THEM4: variants seen among roughly 807,000 people sequenced by gnomAD.
THEM4 encodes thioesterase superfamily member 4.
In THEM4, 22 loss-of-function variants were observed where a neutral mutation model predicts 25.0. That is an observed-to-expected ratio of 0.88 (90% CI 0.63 to 1.26). The LOEUF (loss-of-function observed/expected upper bound fraction) is 1.26, where lower values mean the gene tolerates loss of function less well. THEM4 is among the 50% of genes most tolerant of loss of function. The pLI is 0.00. For missense variants in THEM4, 286 were observed against 300.3 expected (o/e 0.95, Z 0.35); for synonymous variants, 113 against 105.6 (o/e 1.07, Z -0.43).
At chr1:151,887,066 T>TA (rs1055512460) in intron 4 of THEM4, among the ~76,000 whole-genome samples, 1 of 152,158 alleles carries the variant, frequency 6.6e-6, no homozygotes, top group Non-Finnish European at 1.5e-5. Context: ...CTGCAAGATG[T>TA]AAAATCAACA....
At chr1:151,909,333 C>T (rs1223491401) in intron 1 of THEM4, 27 bp downstream of exon 1, 11 of 1,507,912 alleles carry the variant, frequency 7.3e-6, no homozygotes, top group Admixed American at 2.1e-5. Context: ...CTGCTCCCGC[C>T]CCATGCCCGA....
In THEM4 at chr1:151,874,069, G is replaced by A. The variant is rs1042208836; in HGVS notation, c.*819C>T. On this transcript the variant is annotated 3_prime_UTR_variant, in exon 6 of 6. Transcript: ENST00000368814. ...TACAGCCTGGGTTAAAAATGGCACAGTGGTTTAATCTCTAGAATCTCAGAC... is the reference window on the plus strand; with the variant it reads ...TACAGCCTGGGTTAAAAATGGCACAATGGTTTAATCTCTAGAATCTCAGAC... 6.6e-6 allele frequency: 1 copy of A among 152,236 alleles called. No individual in the cohort carries two copies. Among genetic ancestry groups the A allele is most frequent in the Non-Finnish European group, 1.5e-5 (1 of 68,054 alleles). The allele number at this position is 152,236 out of a possible 1,614,324, so 9.4% of individuals were successfully genotyped here.
At chr1:151,884,586 A>G (rs1398542871) in intron 4 of THEM4, among the ~76,000 whole-genome samples, 1 of 152,004 alleles carries the variant, frequency 6.6e-6, no homozygotes, top group Non-Finnish European at 1.5e-5. Context: ...CTTCAGTTCT[A>G]TATTTCTGTT....
chr1:151,909,260 A>G, intron 1 of THEM4, 100 bp downstream of exon 1: 1 of 993,928 alleles, frequency 1.0e-6, no homozygotes, highest in Non-Finnish European at 1.4e-6. Flanking sequence ...TTATTCTGAG[A>G]TTGGCTGGTT....
Position 151,873,876 on chromosome 1 carries a change from CCT to C in THEM4, c.*1010_*1011del. On this transcript the variant is annotated 3_prime_UTR_variant, in exon 6 of 6. Transcript: ENST00000368814. ...TTCCCTAGCACTTTCAGGAGAATGGCCTTGGTCAACACCTTGATTTTGAACTT... is the reference window on the plus strand; with the variant it reads ...TTCCCTAGCACTTTCAGGAGAATGGCTGGTCAACACCTTGATTTTGAACTT... 6.6e-6 allele frequency: 1 copy of C among 152,298 alleles called. No individual in the cohort carries two copies. The highest frequency in any genetic ancestry group is 2.1e-4 in the South Asian group (1 of 4,814). 9.4% of individuals were successfully genotyped at this position (152,298 alleles called of 1,614,324 possible).
intron 4 of THEM4, among the ~76,000 whole-genome samples, chr1:151,881,299 C>T (rs919691915): frequency 2.0e-5 from 3 of 152,202 alleles, no homozygotes; most frequent in Non-Finnish European, 4.4e-5. Flanking sequence ...TCCCAAGTAG[C>T]TAGGACCACA....
At chr1:151,893,393 A>C (rs28430846) in intron 2 of THEM4, among the ~76,000 whole-genome samples, 2 of 137,000 alleles carry the variant, frequency 1.5e-5, no homozygotes, top group South Asian at 4.8e-4. Context: ...CAAAAAAAAC[A>C]AAAAAACAAC....
intron 1 of THEM4, among the ~76,000 whole-genome samples, chr1:151,906,454 CTGA>C (rs1654469144): frequency 6.6e-6 from 1 of 152,246 alleles, no homozygotes; most frequent in Non-Finnish European, 1.5e-5. Context: ...CCGAGCCTCC[CTGA>C]TGAGTGCTGC....
chr1:151,896,064 C>T (rs1224205318), intron 1 of THEM4, among the ~76,000 whole-genome samples: 7 of 147,784 alleles, frequency 4.7e-5, no homozygotes, highest in Non-Finnish European at 7.4e-5. Context: ...GCAATCTTGG[C>T]TCACTGCAAC....
chr1:151,888,626 A>G (rs1654020499), intron 3 of THEM4, among the ~76,000 whole-genome samples: 1 of 152,244 alleles, frequency 6.6e-6, no homozygotes, highest in South Asian at 2.1e-4. Flanking sequence ...CCAGATCGCA[A>G]GCAAGCAAAA....
chr1:151,897,051 T>C (rs568051654), intron 1 of THEM4, among the ~76,000 whole-genome samples: 5 of 152,268 alleles, frequency 3.3e-5, no homozygotes, highest in African/African-American at 9.6e-5. Flanking sequence ...AAATGGAACA[T>C]TGCAGGGATC....
Position 151,888,258 on chromosome 1 carries a change from T to A in THEM4, c.557+15A>T. 6.3e-7 allele frequency: 1 copy of A among 1,597,786 alleles called. No individual in the cohort carries two copies. The highest frequency in any genetic ancestry group is 8.6e-7 in the Non-Finnish European group (1 of 1,168,198). On this transcript the variant is annotated intron_variant, in intron 4 of 5. Transcript: ENST00000368814. ...ACAACACCTAAGGATAAATAGAGAA[T>A]TACTGTGAATTTACCTTTTATAATT...
At chr1:151,900,113 A>G (rs1654319463) in intron 1 of THEM4, among the ~76,000 whole-genome samples, 1 of 152,224 alleles carries the variant, frequency 6.6e-6, no homozygotes, top group Admixed American at 6.5e-5. Context: ...TACTGAGAGA[A>G]TTCGCCATTA....
intron 1 of THEM4, among the ~76,000 whole-genome samples, chr1:151,909,085 T>C (rs1654538733): frequency 6.6e-6 from 1 of 152,182 alleles, no homozygotes; most frequent in African/African-American, 2.4e-5. Context: ...AAAATATAAA[T>C]AGACAGACTA....
At chr1:151,884,616 A>G (rs1332312040) in intron 4 of THEM4, among the ~76,000 whole-genome samples, 1 of 151,930 alleles carries the variant, frequency 6.6e-6, no homozygotes, top group Non-Finnish European at 1.5e-5. Context: ...CTGTGTTTAA[A>G]TAGTCCTTTA....
Position 151,888,366 on chromosome 1 carries a change from G to A in THEM4, c.464C>T (p.Ala155Val), listed in dbSNP as rs1249159090. The A allele has an allele frequency of 6.2e-7, 1 of 1,612,398 alleles. No individual in the cohort carries two copies. The highest frequency in any genetic ancestry group is 8.5e-7 in the Non-Finnish European group (1 of 1,178,976). The stretch of plus-strand genomic sequence containing the variant: ...AGTAGCATCAATCATGGTTGCAATG[G>A]CACCTCCATGAATGAATCTAGTTAC... ...EGPPGFIHGG[A>V]IATMIDATVG... is the part of the protein sequence containing the mutation. Residue 155 changes from alanine to valine, a missense_variant, in exon 4 of 6, where the codon GCC (alanine) becomes GTC (valine). Ala to Val is a moderately conservative substitution (Grantham distance 64). Coordinates refer to ENST00000368814, the MANE Select transcript of THEM4 (RefSeq NM_053055.5).
chr1:151,889,318 G>A lies in THEM4; in HGVS notation c.342C>T (p.Ser114=). The change falls in exon 3 of 6, where the codon AGC becomes AGT. Residue 114 remains serine, a synonymous_variant. Coordinates refer to ENST00000368814, the MANE Select transcript of THEM4 (RefSeq NM_053055.5). Reference sequence around the variant, plus strand: ...ATTCAAAGCCCAGGCCATCATCAAAGCTTCTGGTGAAGAGCTGGGCCTGTG... The same window carrying A: ...ATTCAAAGCCCAGGCCATCATCAAAACTTCTGGTGAAGAGCTGGGCCTGTG... ...QMSQAQLFTR[S]FDDGLGFEYV... 6.2e-7 allele frequency: 1 copy of A among 1,614,050 alleles called. No individual in the cohort carries two copies. The highest frequency in any genetic ancestry group is 8.5e-7 in the Non-Finnish European group (1 of 1,179,952).
chr1:151,909,223 G>T (rs1439082276), intron 1 of THEM4, 137 bp downstream of exon 1: 6 of 649,066 alleles, frequency 9.2e-6, no homozygotes, highest in Non-Finnish European at 1.5e-5. Context: ...TGTTGCTTAT[G>T]CTGCCCTGTG....
At chr1:151,882,290 C>T (rs1442197016) in intron 4 of THEM4, among the ~76,000 whole-genome samples, 2 of 150,344 alleles carry the variant, frequency 1.3e-5, no homozygotes, top group African/African-American at 2.5e-5. Context: ...GCAGGAGAAT[C>T]GCTTGAACGC....
Sources: allele counts gnomAD v4.1 joint callset (sites outside exome capture counted in the v4.1 genomes callset), GRCh38; gene constraint gnomAD v4.1.1; transcripts MANE v1.5; gene names NCBI Gene and HGNC (gene_info 2026-07-23, HGNC 2026-07-21).